AP3S1: variants seen among roughly 807,000 people sequenced by gnomAD.
AP3S1 encodes AP-3 complex subunit sigma-1.
A neutral mutation model predicts 21.3 loss-of-function variants in AP3S1; 12 were observed. The ratio of observed to expected loss-of-function variants is 0.56; its 90% CI spans 0.36 to 0.91. The LOEUF (loss-of-function observed/expected upper bound fraction) is 0.91, where lower values mean the gene tolerates loss of function less well. AP3S1 is among the 40% of genes least tolerant of loss of function. The pLI is 0.01. For synonymous variants in AP3S1, 48 were observed against 78.4 expected (o/e 0.61, Z 2.05); for missense variants, 116 against 225.0 (o/e 0.52, Z 3.10).
chr5:115,891,033 T>C (rs1211507529), intron 3 of AP3S1, among the ~76,000 whole-genome samples: 1 of 152,178 alleles, frequency 6.6e-6, no homozygotes, highest in African/African-American at 2.4e-5. Context: ...CAGGAGTCTG[T>C]TGTATCAAAG....
At chr5:115,889,083 A>T (rs1489947059) in intron 3 of AP3S1, among the ~76,000 whole-genome samples, 2 of 151,748 alleles carry the variant, frequency 1.3e-5, no homozygotes, top group African/African-American at 4.8e-5. Context: ...GTTTTTTACC[A>T]CTCCATACTT....
At position 115,895,941 on chromosome 5, in the gene AP3S1, T is replaced by C. The variant is rs1239015027; in HGVS notation, c.345+783T>C. 3.3e-5 allele frequency among the ~76,000 whole-genome samples: 5 copies of C among 152,188 alleles called. No homozygotes were observed. In the East Asian group the frequency reaches 9.6e-4, roughly 29 times the overall value. On this transcript the variant is annotated intron_variant, in intron 4 of 5. Coordinates refer to ENST00000316788, the MANE Select transcript of AP3S1 (RefSeq NM_001284.4). ...AAAGAATGACAGATTTCTGCCAGTA[T>C]TAGTAGATATTTGTGATACGGAACT...
chr5:115,881,761 G>T (rs1204964510), intron 3 of AP3S1, among the ~76,000 whole-genome samples: 1 of 152,064 alleles, frequency 6.6e-6, no homozygotes, highest in African/African-American at 2.4e-5. Context: ...GCTAGGTTGG[G>T]GAATTCCTCC....
At chr5:115,889,096 C>G (rs972039202) in intron 3 of AP3S1, among the ~76,000 whole-genome samples, 1 of 152,062 alleles carries the variant, frequency 6.6e-6, no homozygotes, top group Admixed American at 6.5e-5. Context: ...CCATACTTTA[C>G]CAGAGGCACA....
intron 1 of AP3S1, among the ~76,000 whole-genome samples, chr5:115,843,273 A>G (rs1204664494): frequency 6.6e-6 from 1 of 152,262 alleles, no homozygotes; most frequent in Non-Finnish European, 1.5e-5. Flanking sequence ...TAAGTCCCAG[A>G]TGGAAATCAA....
At position 115,913,579 on chromosome 5, in the gene AP3S1, G is replaced by A; in HGVS notation, c.*89G>A. On this transcript the variant is annotated 3_prime_UTR_variant, in exon 6 of 6. Coordinates refer to ENST00000316788, the MANE Select transcript of AP3S1 (RefSeq NM_001284.4). The stretch of plus-strand genomic sequence containing the variant: ...GTTGTTTACCAAAAATAGAGGAGGA[G>A]AGTCTTAACTTTTGCTCTTGGATTT... 6.5e-7 allele frequency: 1 copy of A among 1,535,888 alleles called. No homozygotes were observed. Among genetic ancestry groups the A allele is most frequent in the Non-Finnish European group, 8.8e-7 (1 of 1,140,428 alleles).
rs1452882931 is a variant in AP3S1 at position 115,869,997 on chromosome 5, A to G, written c.162-20A>G. 6.8e-7 allele frequency: 1 copy of G among 1,471,734 alleles called. No individual in the cohort carries two copies. Among genetic ancestry groups the G allele is most frequent in the Non-Finnish European group, 9.3e-7 (1 of 1,078,426 alleles). 91.2% of individuals were successfully genotyped at this position (1,471,734 alleles called of 1,614,324 possible). A position where few individuals can be genotyped will look rare whatever the true frequency, so the allele number is the denominator to read the frequency against. On this transcript the variant is annotated intron_variant, in intron 2 of 5. Transcript: ENST00000316788. ...TTCGCATTTTGTTTCCAATAACATT[A>G]CAATTTTTTTGTCATTTAGATTAAT...
chr5:115,902,052 G>A (rs772040572), intron 4 of AP3S1, among the ~76,000 whole-genome samples: 2 of 152,062 alleles, frequency 1.3e-5, no homozygotes, highest in Admixed American at 6.6e-5. Flanking sequence ...CGTAAATAAG[G>A]TAACAGACTC....
At chr5:115,900,371 AG>A (rs1405706922) in intron 4 of AP3S1, among the ~76,000 whole-genome samples, 1 of 152,226 alleles carries the variant, frequency 6.6e-6, no homozygotes, top group Non-Finnish European at 1.5e-5. Context: ...ATCTTTGGCC[AG>A]TGGGAACCCC....
intron 3 of AP3S1, among the ~76,000 whole-genome samples, chr5:115,885,778 C>T (rs767414252): frequency 5.9e-5 from 9 of 152,106 alleles, no homozygotes; most frequent in Non-Finnish European, 1.2e-4. Flanking sequence ...TTATTTTGTT[C>T]TCCTTAAATT....
intron 3 of AP3S1, among the ~76,000 whole-genome samples, chr5:115,873,575 A>T (rs1039000293): frequency 6.6e-6 from 1 of 152,152 alleles, no homozygotes; most frequent in Non-Finnish European, 1.5e-5. Flanking sequence ...TTTCCCCTTC[A>T]ATTACCACAG....
At chr5:115,879,979 C>G (rs1749127239) in intron 3 of AP3S1, among the ~76,000 whole-genome samples, 1 of 152,132 alleles carries the variant, frequency 6.6e-6, no homozygotes, top group African/African-American at 2.4e-5. Flanking sequence ...TCTAGATTTT[C>G]TAGTTTATTT....
intron 1 of AP3S1, among the ~76,000 whole-genome samples, chr5:115,848,007 A>G (rs1337805569): frequency 6.6e-6 from 1 of 152,220 alleles, no homozygotes; most frequent in Non-Finnish European, 1.5e-5. Flanking sequence ...AACCTTTTGA[A>G]TATTTAATTG....
At chr5:115,873,874 A>G (rs527555277) in intron 3 of AP3S1, among the ~76,000 whole-genome samples, 69 of 152,276 alleles carry the variant, frequency 4.5e-4, no homozygotes, top group African/African-American at 1.6e-3. Flanking sequence ...AAAACTCAAT[A>G]TGTAACTATT....
At chr5:115,907,036 C>G in intron 5 of AP3S1, 1 of 958,152 alleles carries the variant, frequency 1.0e-6, no homozygotes, top group Non-Finnish European at 1.2e-6. Flanking sequence ...TTTTATTGGA[C>G]TTAGTGTATT....
intron 3 of AP3S1, among the ~76,000 whole-genome samples, chr5:115,870,891 A>G (rs539433682): frequency 2.2e-4 from 34 of 152,316 alleles, no homozygotes; most frequent in Middle Eastern, 3.4e-3. Context: ...GGCCAGAGAC[A>G]AAGGACCTTA....
chr5:115,872,519 T>C (rs1748360309), intron 3 of AP3S1, among the ~76,000 whole-genome samples: 1 of 152,144 alleles, frequency 6.6e-6, no homozygotes, highest in Admixed American at 6.6e-5. Flanking sequence ...AACATGTATA[T>C]ATTATGAGGT....
chr5:115,852,779 T>C (rs1043026076), intron 1 of AP3S1, among the ~76,000 whole-genome samples: 10 of 152,182 alleles, frequency 6.6e-5, no homozygotes, highest in African/African-American at 2.4e-4. Flanking sequence ...GCCTATGTTG[T>C]AGCATATATT....
intron 1 of AP3S1, among the ~76,000 whole-genome samples, chr5:115,844,174 G>A (rs149186829): frequency 5.6e-4 from 85 of 152,270 alleles, no homozygotes; most frequent in African/African-American, 2.0e-3. Flanking sequence ...TTTGAGGGCA[G>A]TTATTTTTTT....
Sources: gnomAD v4.1 joint callset for allele counts (sites outside exome capture counted in the v4.1 genomes callset) on GRCh38, gnomAD v4.1.1 for gene constraint, MANE v1.5 for transcripts, NCBI Gene and HGNC (gene_info 2026-07-23, HGNC 2026-07-21) for gene names.